The following VSIG10 variants were observed in gnomAD, a reference collection of about 807,000 sequenced individuals.
VSIG10 encodes V-set and immunoglobulin domain containing 10, also known as V-set and immunoglobulin domain-containing protein 10.
In VSIG10, 48 loss-of-function variants were observed where a neutral mutation model predicts 58.7. The ratio of observed to expected loss-of-function variants is 0.82; its 90% CI spans 0.65 to 1.04. The LOEUF (loss-of-function observed/expected upper bound fraction) is 1.04. VSIG10 is among the 50% of genes least tolerant of loss of function. The probability of loss-of-function intolerance (pLI) is 0.00; values close to 1 mark genes in which losing one functional copy is unlikely to be tolerated. For missense variants in VSIG10, 628 were observed against 670.0 expected (o/e 0.94, Z 0.69); for synonymous variants, 260 against 267.1 (o/e 0.97, Z 0.26).
intron 1 of VSIG10, among the ~76,000 whole-genome samples, chr12:118,098,748 G>A (rs184126920): frequency 1.3e-5 from 2 of 152,254 alleles, no homozygotes; most frequent in Admixed American, 6.5e-5. Context: ...CCAGGCAAAC[G>A]GAGCATGTTC....
At chr12:118,082,979 C>T (rs1472777696) in intron 2 of VSIG10, among the ~76,000 whole-genome samples, 6 of 149,772 alleles carry the variant, frequency 4.0e-5, no homozygotes, top group African/African-American at 1.2e-4. Context: ...TGGGCGTGGT[C>T]GCGCATGCCT....
rs537296229 is a variant in VSIG10, at chr12:118,063,640, A to T, written c.*2999T>A. 1 of 152,290 alleles carries T rather than the reference A, an allele frequency of 6.6e-6. No individual in the cohort carries two copies. The highest frequency in any genetic ancestry group is 2.4e-5 in the African/African-American group (1 of 41,560). The allele number at this position is 152,290 out of a possible 1,614,324, so 9.4% of individuals were successfully genotyped here. ...CATTATCTTTTAAAAAAGGCATATGATAACCTCAGAACTAATTTCTCCCAA... is the reference window on the plus strand; with the variant it reads ...CATTATCTTTTAAAAAAGGCATATGTTAACCTCAGAACTAATTTCTCCCAA... On this transcript the variant is annotated 3_prime_UTR_variant, in exon 9 of 9. Transcript: ENST00000359236.
chr12:118,088,896 G>A (rs530490269), intron 2 of VSIG10, among the ~76,000 whole-genome samples: 1 of 152,052 alleles, frequency 6.6e-6, no homozygotes, highest in Non-Finnish European at 1.5e-5. Context: ...GGACTTCCCT[G>A]GAGGGAGTAC....
rs11413291 is a variant in VSIG10, at chr12:118,082,017, TAAAAAAAAAA to T, written c.664+100_664+109del. ...GGGCAAGAAGAGGGAAACTCCATCTTAAAAAAAAAAAAAAAAAAAAAGACAAATGGGAGAG... is the reference window on the plus strand; with the variant it reads ...GGGCAAGAAGAGGGAAACTCCATCTTAAAAAAAAAAAGACAAATGGGAGAG... On this transcript the variant is annotated intron_variant, in intron 3 of 8. Coordinates refer to ENST00000359236, the MANE Select transcript of VSIG10 (RefSeq NM_019086.6). 32 of 848,818 alleles carry T rather than the reference TAAAAAAAAAA, an allele frequency of 3.8e-5. No individual in the cohort carries two copies. The East Asian group carries it at 9.5e-4, about 25-fold the overall frequency. The allele number at this position is 848,818 out of a possible 1,614,324, so 52.6% of individuals were successfully genotyped here.
intron 2 of VSIG10, among the ~76,000 whole-genome samples, chr12:118,091,825 T>G (rs1448735306): frequency 6.6e-6 from 1 of 152,036 alleles, no homozygotes; most frequent in African/African-American, 2.4e-5. Context: ...TGGCGCAATC[T>G]CAGCTCGCTG....
chr12:118,078,160 C>T (rs190486472), intron 4 of VSIG10, among the ~76,000 whole-genome samples: 1 of 152,162 alleles, frequency 6.6e-6, no homozygotes, highest in Non-Finnish European at 1.5e-5. Context: ...CAATTTTTGT[C>T]ACTATTTTCT....
intron 4 of VSIG10, among the ~76,000 whole-genome samples, chr12:118,075,905 G>A (rs911497459): frequency 2.0e-5 from 3 of 152,176 alleles, no homozygotes; most frequent in African/African-American, 7.2e-5. Flanking sequence ...AGTCTGCCCA[G>A]GACGTGGAGT....
At chr12:118,090,898 A>C (rs1239743532) in intron 2 of VSIG10, among the ~76,000 whole-genome samples, 1 of 151,980 alleles carries the variant, frequency 6.6e-6, no homozygotes, top group African/African-American at 2.4e-5. Context: ...TTTTTGGGGG[A>C]CCAAGGCGGG....
Position 118,095,605 on chromosome 12 carries a change from C to G in VSIG10, c.289G>C (p.Asp97His). 6.2e-7 allele frequency: 1 copy of G among 1,613,544 alleles called. No individual in the cohort carries two copies. The highest frequency in any genetic ancestry group is 8.5e-7 in the Non-Finnish European group (1 of 1,179,794). ...SLHIESLSLG[D>H]EGIYTCQEIL... Reference sequence around the variant, plus strand: ...TCCTGGCAGGTGTAGATTCCCTCATCTCCCAGGCTCAGCGATTCAATGTGC... The same window carrying G: ...TCCTGGCAGGTGTAGATTCCCTCATGTCCCAGGCTCAGCGATTCAATGTGC... Residue 97 changes from aspartate to histidine, a missense_variant, in exon 2 of 9, where the codon GAT becomes CAT. Transcript: ENST00000359236.
At chr12:118,083,430 T>C (rs2033028174) in intron 2 of VSIG10, among the ~76,000 whole-genome samples, 1 of 150,980 alleles carries the variant, frequency 6.6e-6, no homozygotes, top group Non-Finnish European at 1.5e-5. Flanking sequence ...ATACCAAAAT[T>C]AGTTGGGCGT....
chr12:118,093,260 C>T (rs186805708), intron 2 of VSIG10, among the ~76,000 whole-genome samples: 391 of 151,468 alleles, frequency 2.6e-3, no homozygotes, highest in African/African-American at 9.0e-3. Flanking sequence ...GATTGCGCCA[C>T]TGCACTCCAG....
At chr12:118,083,822 A>T (rs7301598) in intron 2 of VSIG10, among the ~76,000 whole-genome samples, 97,839 of 151,490 alleles carry the variant, frequency 0.65, 33,366 homozygotes, top group African/African-American at 0.87. Context: ...GGCCAAAAAA[A>T]TTTTTTAAAG....
chr12:118,076,498 G>A (rs764939318), intron 4 of VSIG10, among the ~76,000 whole-genome samples: 50 of 151,906 alleles, frequency 3.3e-4, no homozygotes, highest in Non-Finnish European at 6.5e-4. Context: ...ATGAGATTTG[G>A]GTGGGGACAC....
At position 118,095,729 on chromosome 12, in the gene VSIG10, G is replaced by A; in HGVS notation, c.165C>T (p.Thr55=). The A allele has an allele frequency of 6.2e-7, 1 of 1,613,830 alleles. No individual in the cohort carries two copies. The highest frequency in any genetic ancestry group is 8.5e-7 in the Non-Finnish European group (1 of 1,179,846). Residue 55 remains threonine, a synonymous_variant, in exon 2 of 9, where the codon ACC becomes ACT. Transcript: ENST00000359236. ...GNISGLRGQV[T]WYRNNSEPVF... ...CAGGCTCCGAGTTGTTCCGGTACCA[G>A]GTCACCTGGCCCCTCAGTCCCGAGA...
rs2032605606 is a variant in VSIG10, at chr12:118,073,919, C to T, written c.999G>A (p.Val333=). Residue 333 remains valine (V), a synonymous_variant, in exon 5 of 9, where the codon GTG becomes GTA. Transcript: ENST00000359236. ...TCTTGGCAGGGGGGTAGGCCCCAGA[C>T]ACCTGGCATGTAAGCGTCACATTGC... ...TGGNVTLTCQ[V]SGAYPPAKIL... 6.2e-7 allele frequency: 1 copy of T among 1,612,772 alleles called. No homozygotes were observed. Among genetic ancestry groups the T allele is most frequent in the Non-Finnish European group, 8.5e-7 (1 of 1,179,098 alleles).
At chr12:118,073,508 A>G (rs2032583883) in intron 5 of VSIG10, among the ~76,000 whole-genome samples, 191 bp downstream of exon 5, 1 of 152,158 alleles carries the variant, frequency 6.6e-6, no homozygotes, top group Non-Finnish European at 1.5e-5. Flanking sequence ...TTTGCTACCT[A>G]TGGAAATATT....
intron 3 of VSIG10, among the ~76,000 whole-genome samples, chr12:118,081,546 A>G (rs1280058534): frequency 6.6e-6 from 1 of 152,046 alleles, no homozygotes; most frequent in Non-Finnish European, 1.5e-5. Context: ...GGGGAAAGAA[A>G]AAAAAAAGAA....
Position 118,079,342 on chromosome 12 carries a change from T to C in VSIG10, c.925+4A>G, listed in dbSNP as rs770378698. The C allele has an allele frequency of 1.9e-6, 3 of 1,612,774 alleles. No individual in the cohort carries two copies. In the South Asian group the frequency reaches 3.3e-5, roughly 18 times the overall value. On this transcript the variant is annotated splice_donor_region_variant and intron_variant, in intron 4 of 8. Transcript: ENST00000359236. ...AACCCCAAGACAAAGCAAAACAGACTCACTGATCTGCACCATGCAGCTGGC... is the reference window on the plus strand; with the variant it reads ...AACCCCAAGACAAAGCAAAACAGACCCACTGATCTGCACCATGCAGCTGGC...
intron 2 of VSIG10, among the ~76,000 whole-genome samples, chr12:118,088,876 G>C (rs978707744): frequency 6.6e-6 from 1 of 151,966 alleles, no homozygotes; most frequent in African/African-American, 2.4e-5. Flanking sequence ...CAGTAACTAA[G>C]ACATGCACAG....
Sources: gnomAD v4.1 joint callset for allele counts (sites outside exome capture counted in the v4.1 genomes callset) on GRCh38, gnomAD v4.1.1 for gene constraint, MANE v1.5 for transcripts, NCBI Gene and HGNC (gene_info 2026-07-23, HGNC 2026-07-21) for gene names.